Variants in CSMD3 observed in about 807,000 individuals in gnomAD.
CSMD3 encodes the protein CUB and Sushi multiple domains 3, also known as CUB and sushi domain-containing protein 3.
In CSMD3, 177 loss-of-function variants were observed where a neutral mutation model predicts 435.2. That is an observed-to-expected ratio of 0.41 (90% CI 0.36 to 0.46). CSMD3 has a LOEUF of 0.46. Ranked by LOEUF, CSMD3 falls within the 20% of genes least tolerant of loss-of-function variation. The pLI, the probability that CSMD3 is intolerant of heterozygous loss-of-function variation, is 0.34. For missense variants in CSMD3, 4,265 were observed against 4,504.6 expected, an observed-to-expected ratio of 0.95 and a Z score of 1.52; for synonymous variants, 1,656 against 1,520.5, an observed-to-expected ratio of 1.09 and a Z score of -2.07.
chr8:112,735,990 C>A (rs1355769795), intron 13 of CSMD3, among the ~76,000 whole-genome samples: 1 of 151,932 alleles, frequency 6.6e-6, no homozygotes, highest in African/African-American at 2.4e-5. Flanking sequence ...AATCATATTT[C>A]AATTTTCAGT....
chr8:112,394,361 C>T (rs916531835), intron 35 of CSMD3, among the ~76,000 whole-genome samples: 1 of 151,988 alleles, frequency 6.6e-6, no homozygotes, highest in Non-Finnish European at 1.5e-5. Context: ...ATTGGTTCTA[C>T]TCCACATCTC....
At chr8:113,346,382 A>G (rs769770445) in intron 1 of CSMD3, among the ~76,000 whole-genome samples, 7 of 152,154 alleles carry the variant, frequency 4.6e-5, no homozygotes, top group Non-Finnish European at 7.4e-5. Context: ...TGAACTTAAA[A>G]AATCTGGAAT....
At chr8:113,381,896 T>G (rs983502961) in intron 1 of CSMD3, among the ~76,000 whole-genome samples, 2 of 152,156 alleles carry the variant, frequency 1.3e-5, no homozygotes, top group African/African-American at 2.4e-5. Context: ...ATAGATAACT[T>G]TGGAATTCTT....
intron 13 of CSMD3, among the ~76,000 whole-genome samples, chr8:112,721,224 C>A (rs1360957966): frequency 6.6e-6 from 1 of 152,086 alleles, no homozygotes; most frequent in Non-Finnish European, 1.5e-5. Context: ...GGAAAAATCA[C>A]CATGAAAAAC....
intron 6 of CSMD3, among the ~76,000 whole-genome samples, chr8:112,995,570 A>C (rs2085618699): frequency 6.6e-6 from 1 of 151,404 alleles, no homozygotes; most frequent in Admixed American, 6.6e-5. Flanking sequence ...TTACATTAGG[A>C]AATCTTAAGT....
rs185059084 is a variant in CSMD3 at position 112,441,771 on chromosome 8, G to A, written c.5395+30820C>T. Among the ~76,000 whole-genome samples, 296 of 152,240 alleles carry A rather than the reference G, an allele frequency of 1.9e-3. 1 individual carries two copies. Among genetic ancestry groups the A allele is most frequent in the African/African-American group, 5.7e-3 (237 of 41,554 alleles). ...CCCTTACAAAACCATCAGATGTCAT[G>A]AGAACTCACTATCCTGAGAACAGCC... On this transcript the variant is annotated intron_variant, in intron 32 of 70. Transcript: ENST00000297405.
chr8:112,428,602 G>A (rs577099092), intron 32 of CSMD3, among the ~76,000 whole-genome samples: 2 of 152,252 alleles, frequency 1.3e-5, no homozygotes, highest in African/African-American at 2.4e-5. Flanking sequence ...GCTAGTGGAG[G>A]AGTCCAATAC....
At chr8:112,282,289 C>T (rs550724518) in intron 58 of CSMD3, among the ~76,000 whole-genome samples, 238 of 151,688 alleles carry the variant, frequency 1.6e-3, no homozygotes, top group African/African-American at 4.2e-3. Context: ...TAGGCAAGAA[C>T]CTTATCCATT....
chr8:113,357,283 T>C (rs1045197218), intron 1 of CSMD3, among the ~76,000 whole-genome samples: 1 of 152,230 alleles, frequency 6.6e-6, no homozygotes, highest in Non-Finnish European at 1.5e-5. Flanking sequence ...TATTTCACTC[T>C]CGTTTCCAGA....
chr8:112,345,992 T>C, intron 41 of CSMD3, 105 bp downstream of exon 41: 1 of 789,666 alleles, frequency 1.3e-6, no homozygotes, highest in Non-Finnish European at 2.3e-6. Context: ...TAAACTAAAC[T>C]GCAATTTGTG....
At chr8:112,335,537 C>T (rs557825062) in intron 44 of CSMD3, 63 bp from the exon 45 acceptor site, 131 of 1,437,686 alleles carry the variant, frequency 9.1e-5, no homozygotes, top group Admixed American at 1.9e-4. Flanking sequence ...AGTTTTGAAC[C>T]GTATTTAATA....
chr8:112,679,945 T>G (rs1563843932), intron 16 of CSMD3, among the ~76,000 whole-genome samples: 1 of 152,222 alleles, frequency 6.6e-6, no homozygotes, highest in Non-Finnish European at 1.5e-5. Context: ...TCTGGACTTC[T>G]CTAGTCATTC....
At chr8:113,268,466 T>A (rs1293143049) in intron 3 of CSMD3, among the ~76,000 whole-genome samples, 1 of 151,904 alleles carries the variant, frequency 6.6e-6, no homozygotes, top group East Asian at 1.9e-4. Context: ...TTCAAGTGTA[T>A]GGCAGACATA....
chr8:113,111,881 T>C (rs1036109125), intron 4 of CSMD3, among the ~76,000 whole-genome samples: 2 of 151,970 alleles, frequency 1.3e-5, no homozygotes, highest in Non-Finnish European at 2.9e-5. Flanking sequence ...GGTTTCACCA[T>C]GTTTGTCAGG....
intron 40 of CSMD3, among the ~76,000 whole-genome samples, chr8:112,346,915 G>C (rs1825736512): frequency 6.6e-6 from 1 of 151,846 alleles, no homozygotes; most frequent in Non-Finnish European, 1.5e-5. Context: ...TCCTGACCTC[G>C]TGATCCGCCC....
At chr8:112,406,400 AC>A (rs1168706992) in intron 35 of CSMD3, 123 bp downstream of exon 35, 1 of 550,956 alleles carries the variant, frequency 1.8e-6, no homozygotes, top group Non-Finnish European at 3.1e-6. Flanking sequence ...TATAAAGCAT[AC>A]TTATTAAATT....
intron 20 of CSMD3, among the ~76,000 whole-genome samples, chr8:112,643,751 C>T (rs2074901452): frequency 6.6e-6 from 1 of 152,132 alleles, no homozygotes; most frequent in African/African-American, 2.4e-5. Flanking sequence ...CTACCTCATT[C>T]CTGCTATTCA....
chr8:113,303,955 T>A (rs1317805979), intron 2 of CSMD3, among the ~76,000 whole-genome samples: 2 of 138,156 alleles, frequency 1.4e-5, no homozygotes, highest in Non-Finnish European at 3.1e-5. Context: ...CAAAAGAAAC[T>A]ACCATCAGAG....
intron 12 of CSMD3, among the ~76,000 whole-genome samples, chr8:112,806,651 T>C (rs1211527051): frequency 6.6e-6 from 1 of 152,150 alleles, no homozygotes. Context: ...ATTACAGGGG[T>C]AAGAGAAGAC....
Sources: allele counts gnomAD v4.1 joint callset (sites outside exome capture counted in the v4.1 genomes callset), GRCh38; gene constraint gnomAD v4.1.1; transcripts MANE v1.5; gene names NCBI Gene and HGNC (gene_info 2026-07-23, HGNC 2026-07-21).